CCNA1: variants seen among roughly 807,000 people sequenced by gnomAD.
CCNA1 encodes cyclin A1, also known as cyclin-A1.
In CCNA1, 23 loss-of-function variants were observed where a neutral mutation model predicts 54.1. The observed-to-expected ratio is 0.42, with a 90% CI of 0.31 to 0.60. CCNA1 has a LOEUF of 0.60. Ranked by LOEUF, CCNA1 falls within the 20% of genes least tolerant of loss-of-function variation. The pLI is 0.14. For missense variants in CCNA1, 450 were observed against 556.7 expected (o/e 0.81, Z 1.93); for synonymous variants, 208 against 213.9 (o/e 0.97, Z 0.24).
chr13:36,438,974 TA>T, intron 5 of CCNA1, 107 bp downstream of exon 5: 2 of 786,052 alleles, frequency 2.5e-6, no homozygotes, highest in South Asian at 3.3e-5. Context: ...TAATTAAAAC[TA>T]GTCATGTGTC....
At chr13:36,433,318 C>G in intron 2 of CCNA1, 97 bp downstream of exon 2, 1 of 765,940 alleles carries the variant, frequency 1.3e-6, no homozygotes. Context: ...CTACAACTCC[C>G]CCTGAGTATT....
chr13:36,437,620 G>T lies in CCNA1; in HGVS notation c.298-9G>T, dbSNP rs767174432. 1.2e-6 allele frequency: 2 copies of T among 1,613,192 alleles called. No homozygotes were observed. The highest frequency in any genetic ancestry group is 1.1e-5 in the South Asian group (1 of 90,988). On this transcript the variant is annotated splice_polypyrimidine_tract_variant and intron_variant, in intron 2 of 8. Transcript: ENST00000255465. ...GTGGCCTCTAACAAAAGATTTAAAC[G>T]TTTTTTAGGGGATCACAAGAATCAG...
intron 2 of CCNA1, among the ~76,000 whole-genome samples, chr13:36,437,345 T>C (rs1332414149): frequency 6.6e-6 from 1 of 152,220 alleles, no homozygotes; most frequent in Non-Finnish European, 1.5e-5. Flanking sequence ...GGAAGAGAGC[T>C]ATAGGTTTTC....
chr13:36,442,351 A>G, intron 8 of CCNA1, 47 bp downstream of exon 8: 1 of 1,591,874 alleles, frequency 6.3e-7, no homozygotes, highest in Non-Finnish European at 8.6e-7. Context: ...TTAAAGCTTA[A>G]TGGGTTATAG....
rs929792672 is a variant in CCNA1, at chr13:36,438,638, A to T, written c.670-6A>T. On this transcript the variant is annotated splice_polypyrimidine_tract_variant and splice_region_variant and intron_variant, in intron 4 of 8. Transcript: ENST00000255465. ...CTACTAAATATCAAAACCTTTTCCC[A>T]ATCAGATAAGGCACAGACCCAAAGC... 32 of 1,608,512 alleles carry T rather than the reference A, an allele frequency of 2.0e-5. No individual in the cohort carries two copies. Among genetic ancestry groups the T allele is most frequent in the African/African-American group, 2.7e-5 (2 of 74,806 alleles).
Position 36,442,722 on chromosome 13 carries a change from C to T in CCNA1, c.*57C>T, listed in dbSNP as rs1057063567. The T allele has an allele frequency of 2.3e-5, 32 of 1,379,570 alleles. No individual in the cohort carries two copies. The highest frequency in any genetic ancestry group is 2.3e-4 in the African/African-American group (16 of 70,386). 85.5% of individuals were successfully genotyped at this position (1,379,570 alleles called of 1,614,324 possible). ...CCTCCATATCAGAAGTGCCAATAAT[C>T]GTCATAGGCTTCTGCACGTTGGATC... On this transcript the variant is annotated 3_prime_UTR_variant, in exon 9 of 9. Coordinates refer to ENST00000255465, the MANE Select transcript of CCNA1 (RefSeq NM_003914.4).
chr13:36,438,182 GGAAGCT>G lies in CCNA1; in HGVS notation c.665_669+1del. The G allele has an allele frequency of 6.2e-7, 1 of 1,610,392 alleles. No homozygotes were observed. The highest frequency in any genetic ancestry group is 8.5e-7 in the Non-Finnish European group (1 of 1,178,942). ...CTGAAGAAATTTATCAGTACCTTAG[GGAAGCT>G]GAAGTAAGTTTTCCCACCTTCTACT... On this transcript the variant is annotated inframe_deletion, in exon 4 of 9. Transcript: ENST00000255465.
In CCNA1 at chr13:36,437,643, C is replaced by G. The variant is rs780816141; in HGVS notation, c.312C>G (p.Ile104Met). The change falls in exon 3 of 9, where the codon ATC (isoleucine) becomes ATG (methionine). Residue 104 changes from isoleucine (I) to methionine (M), a missense_variant. Around this residue, in one of 6 missense-constraint regions of CCNA1, gnomAD observed 19 missense variants for 40.5 expected, o/e 0.47. Coordinates refer to ENST00000255465, the MANE Select transcript of CCNA1 (RefSeq NM_003914.4). ...ACGTTTTTTAGGGGATCACAAGAAT[C>G]AGGTGTTATTCTGGATCAGAAAATG... is the stretch of plus-strand genomic sequence containing the variant. 6.2e-7 allele frequency: 1 copy of G among 1,613,840 alleles called. No individual in the cohort carries two copies. The highest frequency in any genetic ancestry group is 1.1e-5 in the South Asian group (1 of 91,054).
At position 36,437,813 on chromosome 13, in the gene CCNA1, T is replaced by A. The variant is rs374907767; in HGVS notation, c.482T>A (p.Val161Glu). Reference sequence around the variant, plus strand: ...AGAGAGGGGATGGCATTTGAGGATGTGTATGAAGTAGACACCGGCACACTC... The same window carrying A: ...AGAGAGGGGATGGCATTTGAGGATGAGTATGAAGTAGACACCGGCACACTC... The change falls in exon 3 of 9, where the codon GTG (valine) becomes GAG (glutamate). Residue 161 changes from valine to glutamate, a missense_variant. Val to Glu is a moderately radical substitution (Grantham distance 121). Coordinates refer to ENST00000255465, the MANE Select transcript of CCNA1 (RefSeq NM_003914.4). The A allele has an allele frequency of 1.2e-5, 20 of 1,613,978 alleles. No homozygotes were observed. Among genetic ancestry groups the A allele is most frequent in the Non-Finnish European group, 1.4e-5 (16 of 1,180,010 alleles).
At chr13:36,438,338 A>T in intron 4 of CCNA1, 147 bp downstream of exon 4, 1 of 756,864 alleles carries the variant, frequency 1.3e-6, no homozygotes, top group Non-Finnish European at 2.2e-6. Flanking sequence ...AATAGTTGTG[A>T]TGGCAAGTCG....
At chr13:36,440,327 T>C in intron 6 of CCNA1, 144 bp downstream of exon 6, 2 of 719,530 alleles carry the variant, frequency 2.8e-6, no homozygotes, top group South Asian at 3.7e-5. Context: ...GAAAAAGAGC[T>C]AATTTTAAGA....
In CCNA1 at chr13:36,432,705, G is replaced by T; in HGVS notation, c.84G>T (p.Pro28=). 1 of 1,611,486 alleles carries T rather than the reference G, an allele frequency of 6.2e-7. No individual in the cohort carries two copies. Among genetic ancestry groups the T allele is most frequent in the Non-Finnish European group, 8.5e-7 (1 of 1,178,176 alleles). ...AAGAGTATCTCAGCTGGGAAGGACC[G>T]GGGCTCCCAGATTTCGTCTTCCAGG... Residue 28 remains proline (P), a synonymous_variant, in exon 1 of 9, where the codon CCG becomes CCT. Coordinates refer to ENST00000255465, the MANE Select transcript of CCNA1 (RefSeq NM_003914.4).
chr13:36,439,583 G>C (rs1016535362), intron 5 of CCNA1, among the ~76,000 whole-genome samples: 1 of 152,180 alleles, frequency 6.6e-6, no homozygotes, highest in African/African-American at 2.4e-5. Context: ...TTAAAAACTA[G>C]AGGCCTGTGG....
intron 1 of CCNA1, 65 bp from the exon 2 acceptor site, chr13:36,432,968 T>G: frequency 1.4e-6 from 2 of 1,474,856 alleles, no homozygotes; most frequent in South Asian, 1.2e-5. Flanking sequence ...AGGTTCGCTG[T>G]GTCCTTGGAG....
chr13:36,442,660 C>T lies in CCNA1; in HGVS notation c.1393C>T (p.Gln465Ter). ...GGAGCCACCTGCAGTTCTTCTTCTA[C>T]AATAAGTTTCTGAATGGAAGCACTT... Residue 465 changes from glutamine to a stop codon, truncating the protein, a stop_gained, in exon 9 of 9, where the codon CAA becomes TAA. Transcript: ENST00000255465. LOFTEE classifies it high-confidence loss of function. 6.2e-7 allele frequency: 1 copy of T among 1,613,568 alleles called. No homozygotes were observed. Among genetic ancestry groups the T allele is most frequent in the Non-Finnish European group, 8.5e-7 (1 of 1,179,660 alleles).
intron 7 of CCNA1, 94 bp downstream of exon 7, chr13:36,441,325 C>A: frequency 2.8e-6 from 2 of 705,864 alleles, no homozygotes; most frequent in South Asian, 1.7e-5. Flanking sequence ...AGGATCTGGT[C>A]AACTTGACAG....
chr13:36,433,444 T>TTTCTTTC (rs2055757676), intron 2 of CCNA1, among the ~76,000 whole-genome samples: 7 of 64,054 alleles, frequency 1.1e-4, no homozygotes, highest in Middle Eastern at 0.018. Flanking sequence ...CTTTCTTTCG[T>TTTCTTTC]TCTTTCTTTC....
In CCNA1 at chr13:36,442,252, G is replaced by GAT. The variant is rs1566174465; in HGVS notation, c.1298_1299dup (p.Pro434TyrfsTer52). 1.2e-6 allele frequency: 2 copies of GAT among 1,613,998 alleles called. No individual in the cohort carries two copies. The stretch of plus-strand genomic sequence containing the variant: ...GAGTGAGCTTCATAAAGCGTACCTT[G>GAT]ATATACCCCATCGACCTCAGCAAGC... On this transcript the variant is annotated frameshift_variant, in exon 8 of 9. Coordinates refer to ENST00000255465, the MANE Select transcript of CCNA1 (RefSeq NM_003914.4). LOFTEE classifies it high-confidence loss of function.
At chr13:36,439,718 CA>C (rs1422980551) in intron 5 of CCNA1, among the ~76,000 whole-genome samples, 1 of 152,146 alleles carries the variant, frequency 6.6e-6, no homozygotes, top group Non-Finnish European at 1.5e-5. Context: ...ATCACAGGCC[CA>C]AACCTAAAAT....
Sources: gnomAD v4.1 joint callset for allele counts (sites outside exome capture counted in the v4.1 genomes callset) on GRCh38, gnomAD v4.1.1 for gene constraint, gnomAD v4.1.1 regional missense constraint, MANE v1.5 for transcripts, NCBI Gene and HGNC (gene_info 2026-07-23, HGNC 2026-07-21) for gene names.